The following IGF1R variants were observed in gnomAD, a reference collection of about 807,000 sequenced individuals.
The protein encoded by IGF1R is insulin-like growth factor 1 receptor.
IGF1R carries 44 observed loss-of-function variants against 144.6 expected under a neutral mutation model. The observed-to-expected ratio is 0.30, with a 90% CI of 0.24 to 0.39. IGF1R has a LOEUF of 0.39. Ranked by LOEUF, IGF1R falls within the 10% of genes least tolerant of loss-of-function variation. The probability of loss-of-function intolerance (pLI) is 1.00; values close to 1 mark genes in which losing one functional copy is unlikely to be tolerated. For synonymous variants in IGF1R, 795 were observed against 722.8 expected (o/e 1.10, Z -1.60); for missense variants, 1,355 against 1,833.7 (o/e 0.74, Z 4.77).
In IGF1R at chr15:98,960,714, G is replaced by A. The variant is rs2017189687; in HGVS notation, c.*3272G>A. On this transcript the variant is annotated 3_prime_UTR_variant, in exon 21 of 21. Coordinates refer to ENST00000650285, the MANE Select transcript of IGF1R (RefSeq NM_000875.5). Reference sequence around the variant, plus strand: ...CTGGAGAGCAAGAGTCACCCAGCCTGTGCGCCAGAATGCAGAGGCTCCTGA... The same window carrying A: ...CTGGAGAGCAAGAGTCACCCAGCCTATGCGCCAGAATGCAGAGGCTCCTGA... 4.3e-6 allele frequency: 1 copy of A among 233,454 alleles called. No homozygotes were observed. Among genetic ancestry groups the A allele is most frequent in the Non-Finnish European group, 8.5e-6 (1 of 118,142 alleles). The allele number at this position is 233,454 out of a possible 1,614,324, so 14.5% of individuals were successfully genotyped here. A position where few individuals can be genotyped will look rare whatever the true frequency, so the allele number is the denominator to read the frequency against.
chr15:98,705,904 C>G (rs1012700178), intron 1 of IGF1R, among the ~76,000 whole-genome samples: 2 of 152,238 alleles, frequency 1.3e-5, no homozygotes, highest in Non-Finnish European at 2.9e-5. Flanking sequence ...TCCTCAACTG[C>G]TCCCCTCTTC....
chr15:98,700,694 C>T lies in IGF1R; in HGVS notation c.95-6868C>T, dbSNP rs1307069916. Among the ~76,000 whole-genome samples, 3 of 152,132 alleles carry T rather than the reference C, an allele frequency of 2.0e-5. No homozygotes were observed. The South Asian group carries it at 6.2e-4, about 32-fold the overall frequency. Reference sequence around the variant, plus strand: ...GTTGTTCTCCCCGCCACACGGGCTGCACCCCTGGGATTCCCCCAGCTGCCA... The same window carrying T: ...GTTGTTCTCCCCGCCACACGGGCTGTACCCCTGGGATTCCCCCAGCTGCCA... On this transcript the variant is annotated intron_variant, in intron 1 of 20. Coordinates refer to ENST00000650285, the MANE Select transcript of IGF1R (RefSeq NM_000875.5).
intron 2 of IGF1R, among the ~76,000 whole-genome samples, chr15:98,791,289 G>T (rs1192336843): frequency 1.3e-5 from 2 of 152,114 alleles, no homozygotes; most frequent in African/African-American, 2.4e-5. Context: ...TCTGTATCTT[G>T]AAAAACTTAA....
intron 2 of IGF1R, among the ~76,000 whole-genome samples, chr15:98,794,810 A>C (rs1383318273): frequency 1.3e-5 from 2 of 152,208 alleles, no homozygotes; most frequent in South Asian, 4.1e-4. Context: ...CAAGCTCTCC[A>C]ACTGGAAAAT....
In IGF1R at chr15:98,895,095, C is replaced by G. The variant is rs1318195127; in HGVS notation, c.954-1662C>G. The stretch of plus-strand genomic sequence containing the variant: ...TGCCAGGTGTTAGGGACATTGGGGA[C>G]TAGGTTGGGCAGGGCAGTGAGTATG... On this transcript the variant is annotated intron_variant, in intron 3 of 20. Transcript: ENST00000650285. Among the ~76,000 whole-genome samples the G allele has an allele frequency of 3.3e-5, 5 of 150,718 alleles. No individual in the cohort carries two copies. In the East Asian group the frequency reaches 9.7e-4, roughly 29 times the overall value.
chr15:98,854,739 G>C (rs1302950420), intron 2 of IGF1R, among the ~76,000 whole-genome samples: 1 of 152,168 alleles, frequency 6.6e-6, no homozygotes, highest in Non-Finnish European at 1.5e-5. Context: ...TAAGTCGGGG[G>C]AATAGAAGAG....
chr15:98,764,917 C>G (rs2055397901), intron 2 of IGF1R, among the ~76,000 whole-genome samples: 1 of 152,158 alleles, frequency 6.6e-6, no homozygotes, highest in Admixed American at 6.5e-5. Context: ...TTCCAAAATA[C>G]ATTTGTCATG....
intron 2 of IGF1R, among the ~76,000 whole-genome samples, chr15:98,889,811 A>T (rs1375206768): frequency 2.0e-5 from 3 of 152,194 alleles, no homozygotes; most frequent in Non-Finnish European, 1.5e-5. Flanking sequence ...TTACAAGAAA[A>T]AACAAATTCT....
chr15:98,822,761 C>G (rs1320857262), intron 2 of IGF1R, among the ~76,000 whole-genome samples: 1 of 152,142 alleles, frequency 6.6e-6, no homozygotes, highest in Non-Finnish European at 1.5e-5. Flanking sequence ...TTTTCTGAAT[C>G]AGAAAGCAGT....
At chr15:98,683,124 T>G (rs186946536) in intron 1 of IGF1R, among the ~76,000 whole-genome samples, 16 of 152,016 alleles carry the variant, frequency 1.1e-4, no homozygotes, top group African/African-American at 3.9e-4. Flanking sequence ...AACATGTTCT[T>G]TGTTTCCATA....
At chr15:98,766,574 G>A (rs1003519904) in intron 2 of IGF1R, among the ~76,000 whole-genome samples, 1 of 152,022 alleles carries the variant, frequency 6.6e-6, no homozygotes, top group Non-Finnish European at 1.5e-5. Context: ...GTTGAGTTGG[G>A]GATTGGATAA....
chr15:98,918,001 A>G (rs1028845112), intron 10 of IGF1R, among the ~76,000 whole-genome samples: 7 of 152,188 alleles, frequency 4.6e-5, no homozygotes, highest in Non-Finnish European at 7.4e-5. Context: ...TTTATCTTAC[A>G]TATATTTTGT....
Position 98,947,140 on chromosome 15 carries a change from G to A in IGF1R, c.3588-1434G>A, listed in dbSNP as rs555710690. Among the ~76,000 whole-genome samples, 20 of 152,262 alleles carry A rather than the reference G, an allele frequency of 1.3e-4. No homozygotes were observed. In the East Asian group the frequency reaches 3.9e-3, roughly 29 times the overall value. ...CAGGCCTCTCTAAACTGCACTTTTGGCCTCTGGGTGTCTTGTACAACATGA... is the reference window on the plus strand; with the variant it reads ...CAGGCCTCTCTAAACTGCACTTTTGACCTCTGGGTGTCTTGTACAACATGA... On this transcript the variant is annotated intron_variant, in intron 19 of 20. Transcript: ENST00000650285.
intron 5 of IGF1R, among the ~76,000 whole-genome samples, chr15:98,903,350 G>C (rs1361321184): frequency 6.6e-6 from 1 of 152,216 alleles, no homozygotes; most frequent in Non-Finnish European, 1.5e-5. Context: ...TGAGTTAAAA[G>C]AATTGAAATT....
intron 13 of IGF1R, among the ~76,000 whole-genome samples, chr15:98,927,004 G>A (rs867320344): frequency 6.6e-6 from 1 of 152,104 alleles, no homozygotes; most frequent in South Asian, 2.1e-4. Context: ...ATCCTAGTTT[G>A]GGGGTCTGTG....
intron 2 of IGF1R, among the ~76,000 whole-genome samples, chr15:98,827,261 A>AT (rs1491133774): frequency 2.9e-4 from 44 of 151,144 alleles, no homozygotes; most frequent in African/African-American, 1.1e-3. Flanking sequence ...ATCCACTGAC[A>AT]TAGGCATTTT....
Position 98,930,333 on chromosome 15 carries a change from A to G in IGF1R, c.2956+28A>G, listed in dbSNP as rs1235310504. 2.6e-6 allele frequency: 4 copies of G among 1,545,398 alleles called. No individual in the cohort carries two copies. In the African/African-American group the frequency reaches 4.1e-5, roughly 16 times the overall value. On this transcript the variant is annotated intron_variant, in intron 15 of 20. Transcript: ENST00000650285. ...AAGAGTCCGGGCCACCAGCACTGCC[A>G]GCGTGCAGGGCAGGTAGATCGGGAG...
At chr15:98,924,446 A>G (rs990731485) in intron 12 of IGF1R, 79 bp from the exon 13 acceptor site, 2 of 1,347,904 alleles carry the variant, frequency 1.5e-6, no homozygotes, top group Admixed American at 1.7e-5. Context: ...TGGAGTCCCC[A>G]GTGTGGTGAG....
intron 2 of IGF1R, among the ~76,000 whole-genome samples, chr15:98,728,045 A>T: frequency 7.1e-6 from 1 of 140,686 alleles, no homozygotes; most frequent in Non-Finnish European, 1.5e-5. Context: ...AGCAGCAGCA[A>T]GATTTATTGT....
Sources: gnomAD v4.1 joint callset for allele counts (sites outside exome capture counted in the v4.1 genomes callset) on GRCh38, gnomAD v4.1.1 for gene constraint, MANE v1.5 for transcripts, NCBI Gene and HGNC (gene_info 2026-07-23, HGNC 2026-07-21) for gene names.